TBC1D8: variants seen among roughly 807,000 people sequenced by gnomAD.
TBC1D8 encodes BUB2-like protein 1.
A neutral mutation model predicts 118.8 loss-of-function variants in TBC1D8; 65 were observed. That is an observed-to-expected ratio of 0.55 (90% CI 0.45 to 0.67). The LOEUF (loss-of-function observed/expected upper bound fraction) is 0.67, where lower values mean the gene tolerates loss of function less well. TBC1D8 is among the 30% of genes least tolerant of loss of function. The pLI is 0.00. For missense variants in TBC1D8, 1,376 were observed against 1,471.2 expected, an observed-to-expected ratio of 0.94 and a Z score of 1.06; for synonymous variants, 566 against 595.8, an observed-to-expected ratio of 0.95 and a Z score of 0.73.
At position 101,007,821 on chromosome 2, in the gene TBC1D8, C is replaced by T. The variant is rs772951152; in HGVS notation, c.3468G>A (p.Ter1156=). ...SQSELKLSNL[*] ...AGTGTGCATAGCAGCTGCTGTCTTG[C>T]TACAAGTTACTCAGCTTAAGTTCAG... Residue 1156 remains the stop codon, a stop_retained_variant, in exon 20 of 20, where the codon TAG becomes TAA. Transcript: ENST00000409318. The T allele has an allele frequency of 2.7e-5, 43 of 1,612,972 alleles. No homozygotes were observed. Among genetic ancestry groups the T allele is most frequent in the Non-Finnish European group, 3.3e-5 (39 of 1,179,334 alleles).
intron 17 of TBC1D8, among the ~76,000 whole-genome samples, chr2:101,018,743 T>A (rs912901338): frequency 8.5e-5 from 13 of 152,192 alleles, no homozygotes; most frequent in Non-Finnish European, 1.6e-4. Context: ...ACCTCCAAAT[T>A]GTCTCATTTG....
rs1215858432 is a variant in TBC1D8 at position 101,032,396 on chromosome 2, G to A, written c.1819-11C>T. ...CAGGATGTTCATGGACTGCTCGGGG[G>A]TCAAGGAGGGCAGTTACTGACTGGC... On this transcript the variant is annotated splice_polypyrimidine_tract_variant and intron_variant, in intron 10 of 19. Transcript: ENST00000409318. The A allele has an allele frequency of 2.5e-6, 4 of 1,609,204 alleles. No homozygotes were observed. The highest frequency in any genetic ancestry group is 3.3e-5 in the Admixed American group (2 of 59,946).
chr2:101,008,315 G>A (rs1558962500), intron 19 of TBC1D8, 42 bp from the exon 20 acceptor site: 17 of 1,444,786 alleles, frequency 1.2e-5, no homozygotes, highest in Non-Finnish European at 1.6e-5. Flanking sequence ...GAACCAGGGT[G>A]GAAGTGTCAT....
chr2:101,118,477 A>C (rs567759073), intron 1 of TBC1D8, among the ~76,000 whole-genome samples: 1 of 147,506 alleles, frequency 6.8e-6, no homozygotes, highest in African/African-American at 2.5e-5. Flanking sequence ...CGGGTGGATC[A>C]CAAGGTCAGG....
chr2:101,095,383 T>C (rs1168419508), intron 1 of TBC1D8, among the ~76,000 whole-genome samples: 2 of 149,432 alleles, frequency 1.3e-5, no homozygotes, highest in African/African-American at 2.5e-5. Context: ...GTATATCTCC[T>C]AATGCTATCT....
chr2:101,033,521 G>A (rs201021527), intron 10 of TBC1D8, 23 bp downstream of exon 10: 26 of 1,612,996 alleles, frequency 1.6e-5, no homozygotes, highest in Non-Finnish European at 1.9e-5. Context: ...GACTCTCTGC[G>A]CCCCAGAGCA....
At chr2:101,093,044 T>C (rs924621668) in intron 1 of TBC1D8, among the ~76,000 whole-genome samples, 1 of 152,186 alleles carries the variant, frequency 6.6e-6, no homozygotes, top group African/African-American at 2.4e-5. Context: ...AAGATGATGA[T>C]GAGGATGAAG....
chr2:101,151,127 C>A lies in TBC1D8; in HGVS notation c.127G>T (p.Gly43Cys). ...GCGCCCGCCCCGGCGAGCCCCTTAC[C>A]GGTGAGGCGGCCGCCCCCCTCGCCG... ...GHGEGGGRLT[G>C]RLVGALDAVL... The change falls in exon 1 of 20, where the codon GGT becomes TGT. Residue 43 changes from glycine to cysteine, a missense_variant and splice_region_variant. Coordinates refer to ENST00000409318, the MANE Select transcript of TBC1D8 (RefSeq NM_001330348.2). The A allele has an allele frequency of 6.2e-6, 7 of 1,137,660 alleles. No homozygotes were observed. The highest frequency in any genetic ancestry group is 7.7e-6 in the Non-Finnish European group (7 of 908,594). 70.5% of individuals were successfully genotyped at this position (1,137,660 alleles called of 1,614,324 possible). A position where few individuals can be genotyped will look rare whatever the true frequency, so the allele number is the denominator to read the frequency against.
At chr2:101,116,796 C>A (rs958225674) in intron 1 of TBC1D8, among the ~76,000 whole-genome samples, 1 of 152,024 alleles carries the variant, frequency 6.6e-6, no homozygotes, top group African/African-American at 2.4e-5. Context: ...CGCACACCAC[C>A]ATGCCCAACT....
rs778249258 is a variant in TBC1D8 at position 101,122,362 on chromosome 2, C to T, written c.127+28765G>A. 1.3e-4 allele frequency among the ~76,000 whole-genome samples: 17 copies of T among 130,006 alleles called. No homozygotes were observed. In the South Asian group the frequency reaches 3.1e-3, roughly 23 times the overall value. The allele number at this position is 130,006 out of a possible 152,430, so 85.3% of individuals were successfully genotyped here. On this transcript the variant is annotated intron_variant, in intron 1 of 19. Coordinates refer to ENST00000409318, the MANE Select transcript of TBC1D8 (RefSeq NM_001330348.2). ...CTAGGATTACAGGCGTGAGCCACCGCGCCCGGCCAAGACTCCATTTCAAAA... is the reference window on the plus strand; with the variant it reads ...CTAGGATTACAGGCGTGAGCCACCGTGCCCGGCCAAGACTCCATTTCAAAA...
intron 1 of TBC1D8, among the ~76,000 whole-genome samples, chr2:101,145,065 C>A (rs1383424950): frequency 6.6e-6 from 1 of 152,214 alleles, no homozygotes; most frequent in Non-Finnish European, 1.5e-5. Flanking sequence ...ACCAGCCTCT[C>A]AATAATTGTC....
chr2:101,011,594 T>G (rs1418501155), intron 17 of TBC1D8, 54 bp from the exon 18 acceptor site: 2 of 1,580,184 alleles, frequency 1.3e-6, no homozygotes, highest in Non-Finnish European at 1.7e-6. Context: ...TTACCAAAAC[T>G]GACAGTAATG....
At chr2:101,138,938 A>T (rs1421548870) in intron 1 of TBC1D8, among the ~76,000 whole-genome samples, 1 of 152,166 alleles carries the variant, frequency 6.6e-6, no homozygotes, top group African/African-American at 2.4e-5. Context: ...GGAGCCCACC[A>T]AGAGTCACCT....
At chr2:101,028,238 C>G in intron 13 of TBC1D8, 65 bp downstream of exon 13, 1 of 1,590,674 alleles carries the variant, frequency 6.3e-7, no homozygotes, top group South Asian at 1.1e-5. Context: ...CCACATCCAT[C>G]CCCCAGTCAC....
chr2:101,015,770 A>G (rs1679584758), intron 17 of TBC1D8, among the ~76,000 whole-genome samples: 1 of 152,342 alleles, frequency 6.6e-6, no homozygotes, highest in Middle Eastern at 3.4e-3. Context: ...ACAACGCCGC[A>G]TATCCACAAC....
chr2:101,090,429 G>C, intron 1 of TBC1D8, 65 bp from the exon 2 acceptor site: 1 of 1,563,922 alleles, frequency 6.4e-7, no homozygotes, highest in Non-Finnish European at 8.7e-7. Flanking sequence ...TCATGCGTGT[G>C]AGGCATGTGG....
chr2:101,030,099 T>C (rs941443380), intron 11 of TBC1D8: 1 of 187,746 alleles, frequency 5.3e-6, no homozygotes, highest in Non-Finnish European at 1.1e-5. Context: ...GTTAATACTG[T>C]AAAATTTTTA....
chr2:101,090,324 A>T lies in TBC1D8; in HGVS notation c.168T>A (p.Asn56Lys), dbSNP rs759810790. ...VGALDAVLDS[N>K]ARVAPFRILL... The stretch of plus-strand genomic sequence containing the variant: ...GAATTCGAAATGGAGCGACCCGTGC[A>T]TTGGAATCCAACACTGCATCCAGAG... The change falls in exon 2 of 20, where the codon AAT (asparagine) becomes AAA (lysine). Residue 56 changes from asparagine to lysine, a missense_variant. Transcript: ENST00000409318. The T allele has an allele frequency of 1.2e-6, 2 of 1,614,058 alleles. No homozygotes were observed. Among genetic ancestry groups the T allele is most frequent in the South Asian group, 1.1e-5 (1 of 91,084 alleles).
In TBC1D8 at chr2:101,096,444, A is replaced by C. The variant is rs1016525481; in HGVS notation, c.128-6080T>G. ...CAAAAAAAAAAAAAAAAAAAAAAAAAAAACTATAATGCACGCTACAACAAA... is the reference window on the plus strand; with the variant it reads ...CAAAAAAAAAAAAAAAAAAAAAAAACAAACTATAATGCACGCTACAACAAA... On this transcript the variant is annotated intron_variant, in intron 1 of 19. Coordinates refer to ENST00000409318, the MANE Select transcript of TBC1D8 (RefSeq NM_001330348.2). 2.6e-5 allele frequency among the ~76,000 whole-genome samples: 3 copies of C among 115,702 alleles called. No homozygotes were observed. The Admixed American group carries it at 3.0e-4, about 12-fold the overall frequency. 75.9% of individuals were successfully genotyped at this position (115,702 alleles called of 152,430 possible). A position where few individuals can be genotyped will look rare whatever the true frequency, so the allele number is the denominator to read the frequency against.
Sources: allele counts gnomAD v4.1 joint callset (sites outside exome capture counted in the v4.1 genomes callset), GRCh38; gene constraint gnomAD v4.1.1; transcripts MANE v1.5; gene names NCBI Gene and HGNC (gene_info 2026-07-23, HGNC 2026-07-21).